The following MAEA variants were observed in gnomAD, a reference collection of about 807,000 sequenced individuals.
MAEA encodes the protein macrophage erythroblast attacher, E3 ubiquitin ligase.
A neutral mutation model predicts 46.2 loss-of-function variants in MAEA; 22 were observed. The observed-to-expected ratio is 0.48, with a 90% CI of 0.34 to 0.68. MAEA has a LOEUF of 0.68. Ranked by LOEUF, MAEA falls within the 30% of genes least tolerant of loss-of-function variation. The probability of loss-of-function intolerance (pLI) is 0.01; values close to 1 mark genes in which losing one functional copy is unlikely to be tolerated. For synonymous variants in MAEA, 246 were observed against 222.6 expected, an observed-to-expected ratio of 1.11 and a Z score of -0.94; for missense variants, 393 against 558.1, an observed-to-expected ratio of 0.70 and a Z score of 2.98.
rs192997841 is a variant in MAEA, at chr4:1,339,494, G to A, written c.*325G>A. On this transcript the variant is annotated 3_prime_UTR_variant, in exon 9 of 9. Coordinates refer to ENST00000303400, the MANE Select transcript of MAEA (RefSeq NM_001017405.3). ...AAGAACGTTTAAAATATAGGAGTCC[G>A]TGATTTCCCTGTGTTTTCAGTTTCT... 26 of 328,426 alleles carry A rather than the reference G, an allele frequency of 7.9e-5. No individual in the cohort carries two copies. Among genetic ancestry groups the A allele is most frequent in the African/African-American group, 4.8e-4 (22 of 46,230 alleles). The allele number at this position is 328,426 out of a possible 1,614,324, so 20.3% of individuals were successfully genotyped here. A position where few individuals can be genotyped will look rare whatever the true frequency, so the allele number is the denominator to read the frequency against.
chr4:1,322,370 C>T lies in MAEA; in HGVS notation c.457-11C>T, dbSNP rs199799622. 6 of 1,613,624 alleles carry T rather than the reference C, an allele frequency of 3.7e-6. No individual in the cohort carries two copies. In the South Asian group the frequency reaches 4.4e-5, roughly 12 times the overall value. On this transcript the variant is annotated splice_polypyrimidine_tract_variant and intron_variant, in intron 3 of 8. Transcript: ENST00000303400. The stretch of plus-strand genomic sequence containing the variant: ...GCACATTCTGATCAGGTGCTGCTTC[C>T]TTCCTCTAAGGACCTAGTGAATATT...
intron 7 of MAEA, 64 bp from the exon 8 acceptor site, chr4:1,338,358 A>AG: frequency 2.2e-6 from 3 of 1,369,480 alleles, no homozygotes; most frequent in South Asian, 1.3e-5. Flanking sequence ...GAGTGGCCAC[A>AG]GGGGGCTGGG....
intron 1 of MAEA, among the ~76,000 whole-genome samples, chr4:1,291,591 T>G (rs1330625646): frequency 6.6e-6 from 1 of 152,238 alleles, no homozygotes; most frequent in Non-Finnish European, 1.5e-5. Context: ...GCCTGTCATT[T>G]CAGCTAACAC....
At chr4:1,294,946 C>T (rs1384056133) in intron 1 of MAEA, among the ~76,000 whole-genome samples, 1 of 152,100 alleles carries the variant, frequency 6.6e-6, no homozygotes, top group African/African-American at 2.4e-5. Context: ...GCTCTCACCC[C>T]AGTAGGCACA....
chr4:1,338,953 G>C, intron 8 of MAEA, 121 bp from the exon 9 acceptor site: 1 of 843,828 alleles, frequency 1.2e-6, no homozygotes, highest in Non-Finnish European at 2.0e-6. Context: ...GTGCCTTCGG[G>C]AAGGAACTTT....
At chr4:1,327,036 C>T (rs543362937) in intron 4 of MAEA, among the ~76,000 whole-genome samples, 2 of 152,196 alleles carry the variant, frequency 1.3e-5, no homozygotes, top group Non-Finnish European at 2.9e-5. Context: ...AAGCTTGCTT[C>T]TCTGCCTCAT....
intron 4 of MAEA, among the ~76,000 whole-genome samples, chr4:1,325,725 C>T (rs931402859): frequency 6.6e-6 from 1 of 151,954 alleles, no homozygotes; most frequent in African/African-American, 2.4e-5. Flanking sequence ...TTCCCTTCCT[C>T]TCCTGCCAGG....
intron 2 of MAEA, among the ~76,000 whole-genome samples, chr4:1,314,844 T>A (rs1174486532): frequency 2.6e-5 from 4 of 152,226 alleles, no homozygotes; most frequent in Non-Finnish European, 5.9e-5. Flanking sequence ...CCAGCCCGGA[T>A]CCTGGATCTG....
chr4:1,326,051 C>T (rs908563299), intron 4 of MAEA, among the ~76,000 whole-genome samples: 5 of 152,180 alleles, frequency 3.3e-5, no homozygotes, highest in Admixed American at 1.3e-4. Context: ...AGGTGGCCCC[C>T]GGGGGTCTGG....
rs768813306 is a variant in MAEA, at chr4:1,289,891, G to T, written c.-23G>T. 3.2e-6 allele frequency: 5 copies of T among 1,584,308 alleles called. No individual in the cohort carries two copies. ...CAGCGCGCTCGCGCGTCCCCCGCCCGCTAATGTTTTGGCCGCTTCAAGATG... is the reference window on the plus strand; with the variant it reads ...CAGCGCGCTCGCGCGTCCCCCGCCCTCTAATGTTTTGGCCGCTTCAAGATG... On this transcript the variant is annotated 5_prime_UTR_variant, in exon 1 of 9. Coordinates refer to ENST00000303400, the MANE Select transcript of MAEA (RefSeq NM_001017405.3).
At chr4:1,329,086 C>T (rs567334971) in intron 5 of MAEA, 121 of 985,608 alleles carry the variant, frequency 1.2e-4, no homozygotes, top group Admixed American at 6.7e-4. Context: ...TTGAGGGCCC[C>T]GGCCACTGTC....
At chr4:1,335,479 G>A (rs1414919055) in intron 6 of MAEA, 1 of 984,690 alleles carries the variant, frequency 1.0e-6, no homozygotes, top group African/African-American at 1.8e-5. Context: ...TGGCCCCACA[G>A]TGTGTTGAAA....
chr4:1,317,764 G>A (rs981162990), intron 3 of MAEA, among the ~76,000 whole-genome samples: 2 of 152,246 alleles, frequency 1.3e-5, no homozygotes, highest in Non-Finnish European at 2.9e-5. Context: ...CTGCCAGATG[G>A]CAAAGTGCAC....
chr4:1,332,530 C>T (rs1242220440), intron 5 of MAEA: 2 of 393,284 alleles, frequency 5.1e-6, no homozygotes, highest in Non-Finnish European at 9.4e-6. Context: ...GCCTGGGCAA[C>T]ACAGCGAGAA....
intron 4 of MAEA, among the ~76,000 whole-genome samples, chr4:1,326,333 C>G (rs1738808567): frequency 6.6e-6 from 1 of 152,246 alleles, no homozygotes; most frequent in Admixed American, 6.5e-5. Flanking sequence ...CCAAGACTCG[C>G]TCCGTGGTGC....
intron 1 of MAEA, among the ~76,000 whole-genome samples, chr4:1,310,680 G>A (rs11932895): frequency 0.062 from 9,429 of 152,284 alleles, 924 homozygotes; most frequent in African/African-American, 0.21. Flanking sequence ...GGACGAGAGC[G>A]TGTGCACCCT....
rs1227307421 is a variant in MAEA, at chr4:1,289,910, C to A, written c.-4C>A. 3 of 1,596,732 alleles carry A rather than the reference C, an allele frequency of 1.9e-6. No individual in the cohort carries two copies. Among genetic ancestry groups the A allele is most frequent in the Non-Finnish European group, 2.6e-6 (3 of 1,171,022 alleles). Reference sequence around the variant, plus strand: ...CCGCCCGCTAATGTTTTGGCCGCTTCAAGATGGCGGTGCAGGAGTCGGCGG... The same window carrying A: ...CCGCCCGCTAATGTTTTGGCCGCTTAAAGATGGCGGTGCAGGAGTCGGCGG... On this transcript the variant is annotated 5_prime_UTR_variant, in exon 1 of 9. Transcript: ENST00000303400.
At chr4:1,315,343 G>A in intron 2 of MAEA, 54 bp from the exon 3 acceptor site, 2 of 1,548,236 alleles carry the variant, frequency 1.3e-6, no homozygotes, top group Non-Finnish European at 1.8e-6. Context: ...CTCCCTTGGT[G>A]CAGGGCTGCG....
intron 1 of MAEA, among the ~76,000 whole-genome samples, chr4:1,307,676 C>T (rs962011075): frequency 3.9e-5 from 6 of 152,178 alleles, no homozygotes; most frequent in African/African-American, 1.2e-4. Flanking sequence ...GTGCGTGGCT[C>T]AGTCCAAAGC....
Sources: allele counts gnomAD v4.1 joint callset (sites outside exome capture counted in the v4.1 genomes callset), GRCh38; gene constraint gnomAD v4.1.1; transcripts MANE v1.5; gene names NCBI Gene and HGNC (gene_info 2026-07-23, HGNC 2026-07-21).